CUBN: variants seen among roughly 807,000 people sequenced by gnomAD.
CUBN encodes cubilin.
CUBN carries 282 observed loss-of-function variants against 405.3 expected under a neutral mutation model. That is an observed-to-expected ratio of 0.70 (90% CI 0.63 to 0.77). The LOEUF (loss-of-function observed/expected upper bound fraction) is 0.77, where lower values mean the gene tolerates loss of function less well. Ranked by LOEUF, CUBN falls within the 30% of genes least tolerant of loss-of-function variation. The pLI, the probability that CUBN is intolerant of heterozygous loss-of-function variation, is 0.00. For missense variants in CUBN, 4,514 were observed against 4,475.2 expected, an observed-to-expected ratio of 1.01 and a Z score of -0.25; for synonymous variants, 1,684 against 1,617.0, an observed-to-expected ratio of 1.04 and a Z score of -0.99.
intron 4 of CUBN, among the ~76,000 whole-genome samples, chr10:17,126,002 G>A (rs1052591266): frequency 6.6e-6 from 1 of 152,160 alleles, no homozygotes; most frequent in Non-Finnish European, 1.5e-5. Context: ...ATCTGCATGA[G>A]TCCTTTTTTT....
chr10:16,959,687 C>T (rs940648214), intron 31 of CUBN, among the ~76,000 whole-genome samples: 4 of 150,950 alleles, frequency 2.6e-5, no homozygotes, highest in African/African-American at 9.7e-5. Flanking sequence ...TAAAATTCCA[C>T]AAGAAAAGCA....
chr10:16,913,747 T>C, intron 48 of CUBN, 64 bp downstream of exon 48: 2 of 1,591,790 alleles, frequency 1.3e-6, no homozygotes, highest in Non-Finnish European at 1.7e-6. Flanking sequence ...CTGACTATGA[T>C]TTATGGGTCG....
chr10:16,878,468 T>G (rs1401586354), intron 56 of CUBN, among the ~76,000 whole-genome samples: 1 of 152,210 alleles, frequency 6.6e-6, no homozygotes, highest in Admixed American at 6.5e-5. Context: ...ATAAAAATAT[T>G]GTTGAAACAA....
intron 25 of CUBN, among the ~76,000 whole-genome samples, chr10:17,044,747 C>T (rs989468191): frequency 6.6e-6 from 1 of 152,082 alleles, no homozygotes; most frequent in African/African-American, 2.4e-5. Context: ...ATAATAAATC[C>T]TGTAATCCCT....
chr10:17,100,369 A>G, intron 13 of CUBN, 130 bp from the exon 14 acceptor site: 1 of 694,952 alleles, frequency 1.4e-6, no homozygotes, highest in Non-Finnish European at 2.6e-6. Context: ...CTAATTATCC[A>G]CCAGTACATA....
intron 31 of CUBN, among the ~76,000 whole-genome samples, chr10:16,965,348 T>C (rs11254302): frequency 6.6e-6 from 1 of 152,154 alleles, no homozygotes; most frequent in African/African-American, 2.4e-5. Context: ...TTGCACGAAA[T>C]AAAGACCAGT....
intron 31 of CUBN, among the ~76,000 whole-genome samples, chr10:16,970,786 G>A (rs1332152629): frequency 6.6e-6 from 1 of 151,900 alleles, no homozygotes; most frequent in African/African-American, 2.4e-5. Flanking sequence ...TGACATTTCT[G>A]GATCTCAGTA....
At chr10:16,932,600 T>C (rs1293072100) in intron 40 of CUBN, among the ~76,000 whole-genome samples, 1 of 152,202 alleles carries the variant, frequency 6.6e-6, no homozygotes, top group East Asian at 1.9e-4. Context: ...TTCTTCTTAT[T>C]ATTATTTTAG....
chr10:17,027,779 G>A (rs946994525), intron 27 of CUBN, among the ~76,000 whole-genome samples: 3 of 152,106 alleles, frequency 2.0e-5, no homozygotes, highest in Non-Finnish European at 2.9e-5. Flanking sequence ...CCACTGAAAT[G>A]TTACCATGTA....
chr10:16,937,259 G>T (rs1842535149), intron 39 of CUBN, among the ~76,000 whole-genome samples: 1 of 151,944 alleles, frequency 6.6e-6, no homozygotes, highest in South Asian at 2.1e-4. Flanking sequence ...CTAACTGATT[G>T]TGTGTGTGTG....
chr10:17,005,640 C>T (rs556301040), intron 28 of CUBN, among the ~76,000 whole-genome samples: 202 of 152,316 alleles, frequency 1.3e-3, no homozygotes, highest in African/African-American at 3.4e-3. Flanking sequence ...TTTGAACTTC[C>T]GCAGGCTGTC....
In CUBN at chr10:16,947,292, A is replaced by G. The variant is rs149164899; in HGVS notation, c.5285T>C (p.Val1762Ala). 3.1e-5 allele frequency: 50 copies of G among 1,614,084 alleles called. No individual in the cohort carries two copies. The African/African-American group carries it at 6.0e-4, about 19-fold the overall frequency. Residue 1762 changes from valine to alanine, a missense_variant, in exon 36 of 67, where the codon GTG (valine) becomes GCG (alanine). Physicochemically the swap from Val to Ala is moderately conservative, Grantham distance 64. This residue lies in a region of CUBN where 1,613 missense variants were observed against 1,542.8 expected (regional missense o/e 1.05). Transcript: ENST00000377833. Reference protein sequence around the residue: ...PGYPDIYPPNVECVWNIVSSP... With the variant: ...PGYPDIYPPNAECVWNIVSSP... ...ACTGACGATGTTCCAGACACATTCC[A>G]CATTAGGGGGATAAATGTCTGGGTA...
At chr10:16,910,092 C>G (rs979471646) in intron 48 of CUBN, among the ~76,000 whole-genome samples, 1 of 151,838 alleles carries the variant, frequency 6.6e-6, no homozygotes, top group African/African-American at 2.4e-5. Flanking sequence ...TTCTCCCTCT[C>G]CTTCTCATTC....
At chr10:16,961,101 G>T (rs1421195366) in intron 31 of CUBN, among the ~76,000 whole-genome samples, 1 of 152,134 alleles carries the variant, frequency 6.6e-6, no homozygotes, top group Non-Finnish European at 1.5e-5. Context: ...TGTAGTCAGG[G>T]TCTTACCCTG....
chr10:16,967,881 GAGA>G lies in CUBN; in HGVS notation c.4696-13336_4696-13334del, dbSNP rs1843442585. On this transcript the variant is annotated intron_variant, in intron 31 of 66. Transcript: ENST00000377833. ...AGAGAAGGAGAGACAGGGAGAGAGA[GAGA>G]AGGAGAGACAGAGGGAGAGAGAGGG... Among the ~76,000 whole-genome samples the G allele has an allele frequency of 2.0e-5, 3 of 150,594 alleles. 1 individual carries two copies. The highest frequency in any genetic ancestry group is 6.8e-3 in the Middle Eastern group (2 of 292).
chr10:16,983,128 C>G (rs572663329), intron 30 of CUBN, among the ~76,000 whole-genome samples: 2 of 152,188 alleles, frequency 1.3e-5, no homozygotes, highest in East Asian at 3.9e-4. Context: ...TTGATGTTAT[C>G]AAATACCTGT....
At chr10:17,043,088 A>G (rs1318986161) in intron 26 of CUBN, among the ~76,000 whole-genome samples, 1 of 152,180 alleles carries the variant, frequency 6.6e-6, no homozygotes, top group African/African-American at 2.4e-5. Flanking sequence ...ATTTAATTCT[A>G]GAGCTAGAAG....
intron 60 of CUBN, among the ~76,000 whole-genome samples, chr10:16,849,907 T>G (rs1839634178): frequency 6.6e-6 from 1 of 152,210 alleles, no homozygotes; most frequent in South Asian, 2.1e-4. Flanking sequence ...GCACAGAGTC[T>G]AAAGTCATTA....
At chr10:17,096,965 A>T (rs10795444) in intron 14 of CUBN, among the ~76,000 whole-genome samples, 144,776 of 152,204 alleles carry the variant, frequency 0.95, 68,869 homozygotes, top group African/African-American at 0.96. Context: ...ATGCATTAGT[A>T]TTAGTGCATA....
Sources: allele counts gnomAD v4.1 joint callset (sites outside exome capture counted in the v4.1 genomes callset), GRCh38; gene constraint gnomAD v4.1.1; regional missense constraint gnomAD v4.1.1; transcripts MANE v1.5; gene names NCBI Gene and HGNC (gene_info 2026-07-23, HGNC 2026-07-21).